PSG1: variants seen among roughly 807,000 people sequenced by gnomAD.
The protein encoded by PSG1 is pregnancy specific beta-1-glycoprotein 1.
In PSG1, 60 loss-of-function variants were observed where a neutral mutation model predicts 41.4. The ratio of observed to expected loss-of-function variants is 1.45; its 90% CI spans 1.18 to 1.80. The LOEUF (loss-of-function observed/expected upper bound fraction) is 1.80, where lower values mean the gene tolerates loss of function less well. Among genes scored for constraint, PSG1 ranks in the 40% most tolerant of loss-of-function variants. The pLI is 0.00. For synonymous variants in PSG1, 256 were observed against 192.9 expected, an observed-to-expected ratio of 1.33 and a Z score of -2.71; for missense variants, 806 against 516.9, an observed-to-expected ratio of 1.56 and a Z score of -5.42.
At chr19:42,874,490 G>T (rs1305743446) in intron 2 of PSG1, among the ~76,000 whole-genome samples, 1 of 151,566 alleles carries the variant, frequency 6.6e-6, no homozygotes, top group African/African-American at 2.4e-5. Context: ...GGGACTACAG[G>T]GGCCCGCCAC....
intron 4 of PSG1, 102 bp from the exon 5 acceptor site, chr19:42,868,457 C>T (rs567200525): frequency 1.6e-5 from 24 of 1,479,888 alleles, no homozygotes; most frequent in Non-Finnish European, 1.9e-5. Context: ...AAGACACACC[C>T]TCAAGTCCCA....
At chr19:42,871,267 C>T (rs183487250) in intron 3 of PSG1, among the ~76,000 whole-genome samples, 2 of 151,728 alleles carry the variant, frequency 1.3e-5, no homozygotes, top group African/African-American at 2.4e-5. Context: ...GAATGCTCTG[C>T]CAGTGGATGG....
chr19:42,876,976 C>A (rs147395944), intron 2 of PSG1, among the ~76,000 whole-genome samples: 3 of 151,456 alleles, frequency 2.0e-5, no homozygotes, highest in Non-Finnish European at 4.4e-5. Flanking sequence ...CTTGCTCAGT[C>A]ACTGTGCCTT....
intron 1 of PSG1, among the ~76,000 whole-genome samples, chr19:42,878,747 G>T (rs899525989): frequency 4.0e-5 from 6 of 149,852 alleles, no homozygotes; most frequent in African/African-American, 9.9e-5. Flanking sequence ...TTGCATGTCT[G>T]TCTTCCCCCC....
rs146429580 is a variant in PSG1 at position 42,878,232 on chromosome 19, C to T, written c.111G>A (p.Thr37=). 31 of 1,610,736 alleles carry T rather than the reference C, an allele frequency of 1.9e-5. 1 individual carries two copies. The East Asian group carries it at 2.7e-4, about 14-fold the overall frequency. The change falls in exon 2 of 6, where the codon ACG becomes ACA. Residue 37 remains threonine (T), a synonymous_variant. Transcript: ENST00000436291. ...AAACTTTGGTTGGCTCGGCTTCAAT[C>T]GTGACTTGGGCAGTGGTGGGCAGGT... ...FWNLPTTAQV[T]IEAEPTKVSE...
At chr19:42,868,560 G>T (rs113625635) in intron 4 of PSG1, among the ~76,000 whole-genome samples, 196 bp downstream of exon 4, 19,079 of 150,714 alleles carry the variant, frequency 0.13, 1,597 homozygotes, top group Admixed American at 0.17. Flanking sequence ...CCCATGATAA[G>T]AGCATCCCCT....
intron 2 of PSG1, among the ~76,000 whole-genome samples, chr19:42,873,313 C>T (rs1971471255): frequency 6.6e-6 from 1 of 151,576 alleles, no homozygotes; most frequent in African/African-American, 2.4e-5. Context: ...ATTTAAAATC[C>T]ACAATGCGCC....
chr19:42,871,964 G>C lies in PSG1; in HGVS notation c.512C>G (p.Pro171Arg), dbSNP rs1213535917. 1.9e-6 allele frequency: 3 copies of C among 1,612,380 alleles called. No homozygotes were observed. The highest frequency in any genetic ancestry group is 2.5e-6 in the Non-Finnish European group (3 of 1,179,232). Residue 171 changes from proline to arginine, a missense_variant, in exon 3 of 6, where the codon CCT (proline) becomes CGT (arginine). Pro to Arg is a moderately radical substitution (Grantham distance 103). Transcript: ENST00000436291. ...CAGGTAGCTTGCGTCTGGAGTCTCA[G>C]GGTCACAGGTTAAGCTCACAGCCTC... ...TMEAVSLTCD[P>R]ETPDASYLWW... is the part of the protein sequence containing the mutation.
At position 42,871,953 on chromosome 19, in the gene PSG1, C is replaced by T. The variant is rs1383303118; in HGVS notation, c.523G>A (p.Asp175Asn). 6.2e-7 allele frequency: 1 copy of T among 1,612,444 alleles called. No homozygotes were observed. Among genetic ancestry groups the T allele is most frequent in the East Asian group, 2.2e-5 (1 of 44,778 alleles). ...TTCATCCACCACAGGTAGCTTGCGTCTGGAGTCTCAGGGTCACAGGTTAAG... is the reference window on the plus strand; with the variant it reads ...TTCATCCACCACAGGTAGCTTGCGTTTGGAGTCTCAGGGTCACAGGTTAAG... ...VSLTCDPETP[D>N]ASYLWWMNGQ... Residue 175 changes from aspartate to asparagine, a missense_variant, in exon 3 of 6, where the codon GAC (aspartate) becomes AAC (asparagine). Physicochemically the swap from Asp to Asn is conservative, Grantham distance 23 (BLOSUM62 1). Transcript: ENST00000436291.
intron 4 of PSG1, 73 bp from the exon 5 acceptor site, chr19:42,868,428 C>T (rs1443766654): frequency 6.7e-7 from 1 of 1,489,472 alleles, no homozygotes; most frequent in Non-Finnish European, 9.1e-7. Flanking sequence ...CTTAAAGGGA[C>T]ACAGTGACCC....
Position 42,878,044 on chromosome 19 carries a change from G to C in PSG1, c.299C>G (p.Thr100Arg). The C allele has an allele frequency of 6.2e-7, 1 of 1,612,450 alleles. No homozygotes were observed. Among genetic ancestry groups the C allele is most frequent in the Admixed American group, 1.7e-5 (1 of 59,882 alleles). ...IYGPAYSGRE[T>R]AYSNASLLIQ... ...CAGCAGGGATGCATTGGAATATGCTGTTTCTCGTCCACTATATGCAGGCCC... is the reference window on the plus strand; with the variant it reads ...CAGCAGGGATGCATTGGAATATGCTCTTTCTCGTCCACTATATGCAGGCCC... The change falls in exon 2 of 6, where the codon ACA becomes AGA. Residue 100 changes from threonine (T) to arginine (R), a missense_variant. Thr to Arg is a moderately conservative substitution (Grantham distance 71, BLOSUM62 -1). Transcript: ENST00000436291.
chr19:42,878,122 T>C lies in PSG1; in HGVS notation c.221A>G (p.Asp74Gly), dbSNP rs188488412. Residue 74 changes from aspartate (D) to glycine (G), a missense_variant, in exon 2 of 6, where the codon GAC becomes GGC. Coordinates refer to ENST00000436291, the MANE Select transcript of PSG1 (RefSeq NM_001184825.2). ...ATATGATGTAATGTAATGGTAGAGG[T>C]CCCTCATTTGCCCTTTGTACCAGAT... ...GYIWYKGQMRDLYHYITSYVV... is the reference protein window; with the variant it reads ...GYIWYKGQMRGLYHYITSYVV... 1.5e-5 allele frequency: 24 copies of C among 1,612,146 alleles called. No homozygotes were observed. Among genetic ancestry groups the C allele is most frequent in the Middle Eastern group, 3.3e-4 (2 of 6,058 alleles).
At chr19:42,879,466 C>G in intron 1 of PSG1, 52 bp downstream of exon 1, 1 of 1,599,578 alleles carries the variant, frequency 6.3e-7, no homozygotes, top group South Asian at 1.1e-5. Flanking sequence ...GAGACCCCAT[C>G]CAGTCACTCT....
Position 42,867,465 on chromosome 19 carries a change from C to A in PSG1, c.1244-315G>T, listed in dbSNP as rs1309483545. On this transcript the variant is annotated intron_variant, in intron 5 of 5. Coordinates refer to ENST00000436291, the MANE Select transcript of PSG1 (RefSeq NM_001184825.2). ...ACCTCTTGAGAATAGGAAGCCAAAC[C>A]AAGGCTGACTTCAGACTTTGCCTGC... 5.2e-6 allele frequency: 3 copies of A among 576,328 alleles called. No homozygotes were observed. In the African/African-American group the frequency reaches 5.6e-5, roughly 11 times the overall value. 35.7% of individuals were successfully genotyped at this position (576,328 alleles called of 1,614,324 possible).
intron 2 of PSG1, among the ~76,000 whole-genome samples, chr19:42,872,773 TC>T (rs1272942079): frequency 6.6e-6 from 1 of 151,708 alleles, no homozygotes; most frequent in Non-Finnish European, 1.5e-5. Flanking sequence ...CTCTTCTGGG[TC>T]CATGATGCTC....
chr19:42,871,217 C>T (rs555820245), intron 3 of PSG1, among the ~76,000 whole-genome samples: 1 of 151,632 alleles, frequency 6.6e-6, no homozygotes, highest in African/African-American at 2.4e-5. Flanking sequence ...GTATAAAGAA[C>T]ACTTGTGTTG....
At chr19:42,879,374 G>T in intron 1 of PSG1, 144 bp downstream of exon 1, 1 of 1,332,062 alleles carries the variant, frequency 7.5e-7, no homozygotes, top group South Asian at 1.3e-5. Context: ...GACTGATCTT[G>T]AACTTCTGAT....
In PSG1 at chr19:42,877,218, T is replaced by C. The variant is rs186805118; in HGVS notation, c.430+695A>G. ...CCTGGTACATCTTCTCTCTTCTGTTTCTGCTTCTGGGGACATTAGTCTTTC... is the reference window on the plus strand; with the variant it reads ...CCTGGTACATCTTCTCTCTTCTGTTCCTGCTTCTGGGGACATTAGTCTTTC... On this transcript the variant is annotated intron_variant, in intron 2 of 5. Transcript: ENST00000436291. Among the ~76,000 whole-genome samples the C allele has an allele frequency of 8.8e-4, 134 of 151,778 alleles. 2 individuals carry two copies. The highest frequency in any genetic ancestry group is 1.6e-3 in the Non-Finnish European group (111 of 67,890).
At position 42,879,109 on chromosome 19, in the gene PSG1, T is replaced by C. The variant is rs561833262; in HGVS notation, c.64+409A>G. On this transcript the variant is annotated intron_variant, in intron 1 of 5. Transcript: ENST00000436291. ...ACCCCTGTCCCTCTCTGGTGTATTT[T>C]CCCCTATCCAGGCTCCAACAGAGCC... Among the ~76,000 whole-genome samples the C allele has an allele frequency of 2.8e-4, 43 of 151,512 alleles. 2 individuals are homozygous for C. The highest frequency in any genetic ancestry group is 1.4e-3 in the Admixed American group (22 of 15,180).
Sources: allele counts gnomAD v4.1 joint callset (sites outside exome capture counted in the v4.1 genomes callset), GRCh38; gene constraint gnomAD v4.1.1; transcripts MANE v1.5; gene names NCBI Gene and HGNC (gene_info 2026-07-23, HGNC 2026-07-21).